CADPS: variants seen among roughly 807,000 people sequenced by gnomAD.
CADPS encodes calcium-dependent secretion activator 1.
Under a neutral mutation model 167.3 loss-of-function variants are expected in CADPS, and 57 were observed. The observed-to-expected ratio is 0.34, with a 90% CI of 0.28 to 0.42. The LOEUF (loss-of-function observed/expected upper bound fraction) is 0.42, where lower values mean the gene tolerates loss of function less well. Ranked by LOEUF, CADPS falls within the 20% of genes least tolerant of loss-of-function variation. CADPS has a pLI of 1.00. For synonymous variants in CADPS, 676 were observed against 635.3 expected (o/e 1.06, Z -0.96); for missense variants, 1,414 against 1,738.1 (o/e 0.81, Z 3.32).
At chr3:62,642,596 C>T (rs1434086909) in intron 6 of CADPS, among the ~76,000 whole-genome samples, 3 of 152,140 alleles carry the variant, frequency 2.0e-5, no homozygotes, top group Non-Finnish European at 2.9e-5. Flanking sequence ...CAAACAGGCT[C>T]GTTCATGCTA....
rs545834078 is a variant in CADPS at position 62,808,946 on chromosome 3, C to A, written c.442-42962G>T. ...ACTCTTCCTCCTCCAACTCAATAAACAATACCACCATGTACTCAACTGCAC... is the reference window on the plus strand; with the variant it reads ...ACTCTTCCTCCTCCAACTCAATAAAAAATACCACCATGTACTCAACTGCAC... On this transcript the variant is annotated intron_variant, in intron 1 of 29. Transcript: ENST00000383710. 3.9e-5 allele frequency among the ~76,000 whole-genome samples: 6 copies of A among 152,304 alleles called. No homozygotes were observed. In the East Asian group the frequency reaches 9.7e-4, roughly 25 times the overall value.
intron 13 of CADPS, among the ~76,000 whole-genome samples, chr3:62,532,571 A>T (rs1403359721): frequency 6.6e-6 from 1 of 152,174 alleles, no homozygotes; most frequent in African/African-American, 2.4e-5. Flanking sequence ...CGTGGCACAA[A>T]GGGCTTAATT....
At chr3:62,864,466 G>A (rs1480321014) in intron 1 of CADPS, among the ~76,000 whole-genome samples, 3 of 152,140 alleles carry the variant, frequency 2.0e-5, no homozygotes, top group Non-Finnish European at 2.9e-5. Context: ...GATGATCAAG[G>A]TGTCATCAGA....
intron 1 of CADPS, among the ~76,000 whole-genome samples, chr3:62,861,317 C>A (rs573486950): frequency 4.6e-5 from 7 of 152,218 alleles, no homozygotes; most frequent in Non-Finnish European, 1.0e-4. Flanking sequence ...ACTTAAAGGG[C>A]AGGCACCTTG....
chr3:62,831,786 C>G (rs117389982), intron 1 of CADPS, among the ~76,000 whole-genome samples: 2 of 152,160 alleles, frequency 1.3e-5, no homozygotes, highest in Non-Finnish European at 2.9e-5. Context: ...ACTTGCACAG[C>G]TGATCTGAAT....
intron 3 of CADPS, among the ~76,000 whole-genome samples, chr3:62,742,325 C>A (rs2152311799): frequency 6.6e-6 from 1 of 152,096 alleles, no homozygotes; most frequent in Non-Finnish European, 1.5e-5. Context: ...CAAGGAAATC[C>A]TACCAAAAAA....
chr3:62,768,212 G>A (rs2087451354), intron 1 of CADPS, among the ~76,000 whole-genome samples: 1 of 152,170 alleles, frequency 6.6e-6, no homozygotes, highest in African/African-American at 2.4e-5. Context: ...TCATAAAAAT[G>A]ATACCCGTAA....
At chr3:62,444,049 C>T (rs1244203134) in intron 27 of CADPS, among the ~76,000 whole-genome samples, 1 of 152,170 alleles carries the variant, frequency 6.6e-6, no homozygotes, top group African/African-American at 2.4e-5. Flanking sequence ...GTGGTTCAAT[C>T]TAACATAACC....
intron 3 of CADPS, among the ~76,000 whole-genome samples, chr3:62,707,084 C>A (rs532461826): frequency 1.3e-5 from 2 of 152,254 alleles, no homozygotes; most frequent in Admixed American, 6.5e-5. Context: ...AGGTCCCCAA[C>A]CCTCTGGCCA....
At chr3:62,451,215 G>A (rs2057998593) in intron 26 of CADPS, among the ~76,000 whole-genome samples, 2 of 151,826 alleles carry the variant, frequency 1.3e-5, no homozygotes, top group South Asian at 4.2e-4. Flanking sequence ...TTTCTCTATT[G>A]AGCTCTTCCA....
intron 27 of CADPS, among the ~76,000 whole-genome samples, chr3:62,444,587 C>T (rs575805429): frequency 6.6e-6 from 1 of 152,310 alleles, no homozygotes; most frequent in South Asian, 2.1e-4. Context: ...TTCTATTCTC[C>T]ATTATAAGAA....
Position 62,645,818 on chromosome 3 carries a change from A to C in CADPS, c.1229T>G (p.Leu410Arg). The change falls in exon 6 of 30, where the codon CTC becomes CGC. Residue 410 changes from leucine (L) to arginine (R), a missense_variant. Leu to Arg is a moderately radical substitution (Grantham distance 102). This residue lies in a region of CADPS where 522 missense variants were observed against 559.5 expected (regional missense o/e 0.93). Transcript: ENST00000383710. ...GATGCGATTTGGAGCCAAAGATTTGAGGCCTTGGACTTCCATAATTACCAC... is the reference window on the plus strand; with the variant it reads ...GATGCGATTTGGAGCCAAAGATTTGCGGCCTTGGACTTCCATAATTACCAC... ...LEVVIMEVQG[L>R]KSLAPNRIVY... 1 of 1,614,080 alleles carries C rather than the reference A, an allele frequency of 6.2e-7. No individual in the cohort carries two copies. The highest frequency in any genetic ancestry group is 8.5e-7 in the Non-Finnish European group (1 of 1,179,946).
chr3:62,457,852 G>T (rs1037921303), intron 26 of CADPS, among the ~76,000 whole-genome samples: 13 of 152,048 alleles, frequency 8.5e-5, no homozygotes, highest in Non-Finnish European at 1.6e-4. Context: ...ACCAAACACC[G>T]CGTTTTCTCA....
In CADPS at chr3:62,753,448, G is replaced by A; in HGVS notation, c.881C>T (p.Ala294Val). The change falls in exon 3 of 30, where the codon GCC becomes GTC. Residue 294 changes from alanine to valine, a missense_variant. Around this residue, in one of 6 missense-constraint regions of CADPS, gnomAD observed 522 missense variants for 559.5 expected, o/e 0.93. Transcript: ENST00000383710. This position sits in a 1 kb window ranked among gnomAD's most constrained non-coding sequence, Gnocchi z 4.6. ...AGGCGAGAAACACCTTACCTGGCAG[G>A]CATTGTAAAGGAGCTGATGTTCGAA... Reference protein sequence around the residue: ...KKFEHQLLYNACQLDNPDEQA... With the variant: ...KKFEHQLLYNVCQLDNPDEQA... 1 of 1,607,142 alleles carries A rather than the reference G, an allele frequency of 6.2e-7. No homozygotes were observed. The highest frequency in any genetic ancestry group is 8.5e-7 in the Non-Finnish European group (1 of 1,174,792).
chr3:62,470,055 T>A (rs1019370931), intron 24 of CADPS, among the ~76,000 whole-genome samples: 4 of 152,212 alleles, frequency 2.6e-5, no homozygotes, highest in Non-Finnish European at 5.9e-5. Flanking sequence ...GGAAATGAGA[T>A]GAAAACACAC....
At chr3:62,502,142 C>T (rs1197873852) in intron 17 of CADPS, among the ~76,000 whole-genome samples, 4 of 152,188 alleles carry the variant, frequency 2.6e-5, no homozygotes, top group Non-Finnish European at 4.4e-5. Flanking sequence ...GCACTATTTT[C>T]CTGTTTGTTT....
chr3:62,793,012 T>A (rs1400855798), intron 1 of CADPS, among the ~76,000 whole-genome samples: 1 of 152,192 alleles, frequency 6.6e-6, no homozygotes, highest in Non-Finnish European at 1.5e-5. Flanking sequence ...TTTAAATCTT[T>A]TCTGTACCTT....
rs540278382 is a variant in CADPS at position 62,579,119 on chromosome 3, G to A, written c.1577+6066C>T. On this transcript the variant is annotated intron_variant, in intron 8 of 29. Coordinates refer to ENST00000383710, the MANE Select transcript of CADPS (RefSeq NM_003716.4). ...ATCAGAATTGCTGCAAATTACTCCC[G>A]GTTGGTGGACTGTGGTTCATTGAAT... Among the ~76,000 whole-genome samples the A allele has an allele frequency of 9.2e-5, 14 of 152,302 alleles. No individual in the cohort carries two copies. In the South Asian group the frequency reaches 1.2e-3, roughly 14 times the overall value.
rs189139935 is a variant in CADPS at position 62,737,517 on chromosome 3, A to G, written c.888+15924T>C. On this transcript the variant is annotated intron_variant, in intron 3 of 29. Coordinates refer to ENST00000383710, the MANE Select transcript of CADPS (RefSeq NM_003716.4). Reference sequence around the variant, plus strand: ...AAAAGAAAACGTAAACAGAAGAGTCATATCAAGATTCTATAGATTCTCATC... The same window carrying G: ...AAAAGAAAACGTAAACAGAAGAGTCGTATCAAGATTCTATAGATTCTCATC... Among the ~76,000 whole-genome samples, 179 of 152,108 alleles carry G rather than the reference A, an allele frequency of 1.2e-3. 3 individuals carry two copies. The highest frequency in any genetic ancestry group is 3.4e-3 in the Middle Eastern group (1 of 290).
Sources: allele counts gnomAD v4.1 joint callset (sites outside exome capture counted in the v4.1 genomes callset), GRCh38; gene constraint gnomAD v4.1.1; regional missense constraint gnomAD v4.1.1; non-coding constraint Gnocchi (gnomAD v3.1); transcripts MANE v1.5; gene names NCBI Gene and HGNC (gene_info 2026-07-23, HGNC 2026-07-21).